Variants in POLR3A observed in about 807,000 individuals in gnomAD.
POLR3A encodes the protein DNA-directed RNA polymerase III subunit RPC1.
Under a neutral mutation model 152.8 loss-of-function variants are expected in POLR3A, and 112 were observed. That is an observed-to-expected ratio of 0.73 (90% CI 0.63 to 0.86). The LOEUF (loss-of-function observed/expected upper bound fraction) is 0.86, where lower values mean the gene tolerates loss of function less well. Ranked by LOEUF, POLR3A falls within the 40% of genes least tolerant of loss-of-function variation. The pLI is 0.00. For missense variants in POLR3A, 1,385 were observed against 1,743.1 expected (o/e 0.79, Z 3.66); for synonymous variants, 615 against 652.1 (o/e 0.94, Z 0.87).
intron 1 of POLR3A, among the ~76,000 whole-genome samples, chr10:78,028,844 C>T (rs1847662100): frequency 6.6e-6 from 1 of 151,910 alleles, no homozygotes; most frequent in Admixed American, 6.6e-5. Context: ...GGAGCCACCG[C>T]CTAATAACGT....
At chr10:78,003,146 T>G (rs561522661) in intron 16 of POLR3A, among the ~76,000 whole-genome samples, 20 of 152,340 alleles carry the variant, frequency 1.3e-4, no homozygotes, top group African/African-American at 4.3e-4. Context: ...CAAACTAGGA[T>G]GCTGAATCAG....
At chr10:77,979,387 C>G (rs1847118651) in intron 30 of POLR3A, among the ~76,000 whole-genome samples, 1 of 152,190 alleles carries the variant, frequency 6.6e-6, no homozygotes, top group Non-Finnish European at 1.5e-5. Flanking sequence ...AGCCCCTTAC[C>G]AGCTCTCACC....
intron 5 of POLR3A, among the ~76,000 whole-genome samples, chr10:78,023,201 C>G (rs1202213203): frequency 6.6e-6 from 1 of 151,150 alleles, no homozygotes; most frequent in Non-Finnish European, 1.5e-5. Context: ...TGGCTCATGT[C>G]TATAATCCCA....
Position 77,981,868 on chromosome 10 carries a change from C to CAAA in POLR3A, c.3759+283_3759+285dup, listed in dbSNP as rs60259976. Among the ~76,000 whole-genome samples, 9,451 of 63,316 alleles carry CAAA rather than the reference C, an allele frequency of 0.15. 593 individuals are homozygous for CAAA. The highest frequency in any genetic ancestry group is 0.23 in the East Asian group (578 of 2,488). 41.5% of individuals were successfully genotyped at this position (63,316 alleles called of 152,430 possible). A position where few individuals can be genotyped will look rare whatever the true frequency, so the allele number is the denominator to read the frequency against. On this transcript the variant is annotated intron_variant, in intron 28 of 30. Transcript: ENST00000372371. Reference sequence around the variant, plus strand: ...TGAAACCCCATTTCTACTAAAAATACAAAAAAAAAAAAAAAAAAAAATTAG... The same window carrying CAAA: ...TGAAACCCCATTTCTACTAAAAATACAAAAAAAAAAAAAAAAAAAAAAAATTAG...
intron 10 of POLR3A, among the ~76,000 whole-genome samples, chr10:78,014,131 T>C (rs1320171031): frequency 1.3e-5 from 2 of 150,362 alleles, no homozygotes; most frequent in Non-Finnish European, 3.0e-5. Context: ...CACCCCAGCC[T>C]GGGTGATAGA....
chr10:77,986,017 G>C (rs1483736704), intron 22 of POLR3A, 32 bp from the exon 23 acceptor site: 3 of 1,607,770 alleles, frequency 1.9e-6, no homozygotes, highest in Non-Finnish European at 2.6e-6. Context: ...ACAGAGTTAG[G>C]GCCAGCGGCA....
At chr10:78,025,812 G>C (rs1036427079) in intron 2 of POLR3A, 53 bp from the exon 3 acceptor site, 12 of 1,570,174 alleles carry the variant, frequency 7.6e-6, no homozygotes, top group African/African-American at 1.4e-5. Flanking sequence ...ACGGGAAAGA[G>C]TGCCCAGCCA....
In POLR3A at chr10:78,001,143, A is replaced by T. The variant is rs189258732; in HGVS notation, c.2360-49T>A. On this transcript the variant is annotated intron_variant, in intron 17 of 30. Coordinates refer to ENST00000372371, the MANE Select transcript of POLR3A (RefSeq NM_007055.4). ...AACATTCATTTACCAAAATAACACT[A>T]ATTGAAGTGCATGCAGATTGGAAGG... 22 of 990,304 alleles carry T rather than the reference A, an allele frequency of 2.2e-5. 1 individual carries two copies. In the Admixed American group the frequency reaches 2.7e-4, roughly 12 times the overall value. 61.3% of individuals were successfully genotyped at this position (990,304 alleles called of 1,614,324 possible). A position where few individuals can be genotyped will look rare whatever the true frequency, so the allele number is the denominator to read the frequency against.
At chr10:78,014,483 C>T (rs943644321) in intron 10 of POLR3A, among the ~76,000 whole-genome samples, 4 of 152,114 alleles carry the variant, frequency 2.6e-5, no homozygotes, top group African/African-American at 9.7e-5. Flanking sequence ...ATGGTGCAAT[C>T]TCGGCTCACT....
At position 77,983,173 on chromosome 10, in the gene POLR3A, T is replaced by G. The variant is rs115594433; in HGVS notation, c.3430-356A>C. Among the ~76,000 whole-genome samples, 1,366 of 152,292 alleles carry G rather than the reference T, an allele frequency of 9.0e-3. 22 individuals carry two copies. Among genetic ancestry groups the G allele is most frequent in the African/African-American group, 0.031 (1,292 of 41,560 alleles). ...GTGGGGCCTCCCCTTTACCTGACAC[T>G]TTCACAATGGTTCATGTGCTACGTT... On this transcript the variant is annotated intron_variant, in intron 26 of 30. Coordinates refer to ENST00000372371, the MANE Select transcript of POLR3A (RefSeq NM_007055.4).
At position 77,989,004 on chromosome 10, in the gene POLR3A, A is replaced by T. The variant is rs1847223090; in HGVS notation, c.2901+2050T>A. Among the ~76,000 whole-genome samples, 3 of 152,304 alleles carry T rather than the reference A, an allele frequency of 2.0e-5. No homozygotes were observed. The South Asian group carries it at 6.2e-4, about 32-fold the overall frequency. On this transcript the variant is annotated intron_variant, in intron 21 of 30. Coordinates refer to ENST00000372371, the MANE Select transcript of POLR3A (RefSeq NM_007055.4). ...ACAATCTGCCGGCTTAGGCACTGGG[A>T]ATGACATAGCTCAGCTTTCACCCCA...
At chr10:78,025,964 G>A (rs1420550144) in intron 2 of POLR3A, 130 bp downstream of exon 2, 6 of 1,270,486 alleles carry the variant, frequency 4.7e-6, no homozygotes, top group Non-Finnish European at 6.8e-6. Context: ...CGGAGTTCTT[G>A]ACCTAGTCTA....
intron 20 of POLR3A, among the ~76,000 whole-genome samples, chr10:77,992,961 C>A (rs1317322103): frequency 6.6e-6 from 1 of 152,146 alleles, no homozygotes; most frequent in Non-Finnish European, 1.5e-5. Flanking sequence ...AGTGATCCTC[C>A]TGCCTTGGCC....
In POLR3A at chr10:77,982,384, T is replaced by C; in HGVS notation, c.3595-66A>G. ...CCATGCCCTGGGCTGATCACCTTGA[T>C]CACCCCAGCTTTCAGCAGTGGTCAT... On this transcript the variant is annotated intron_variant, in intron 27 of 30. Coordinates refer to ENST00000372371, the MANE Select transcript of POLR3A (RefSeq NM_007055.4). The C allele has an allele frequency of 6.1e-6, 9 of 1,470,784 alleles. No homozygotes were observed. The South Asian group carries it at 1.0e-4, about 17-fold the overall frequency. The allele number at this position is 1,470,784 out of a possible 1,614,324, so 91.1% of individuals were successfully genotyped here.
intron 15 of POLR3A, 29 bp from the exon 16 acceptor site, chr10:78,004,917 G>A: frequency 6.2e-7 from 1 of 1,601,708 alleles, no homozygotes; most frequent in Non-Finnish European, 8.6e-7. Context: ...AGGAAGAAAG[G>A]GCCATAAATG....
chr10:78,017,073 C>A (rs970106661), intron 10 of POLR3A, among the ~76,000 whole-genome samples: 2 of 151,814 alleles, frequency 1.3e-5, no homozygotes, highest in African/African-American at 4.8e-5. Flanking sequence ...TAAAAGGAAG[C>A]TTGAAATTAA....
At chr10:77,996,789 G>A (rs914098822) in intron 19 of POLR3A, among the ~76,000 whole-genome samples, 5 of 152,098 alleles carry the variant, frequency 3.3e-5, no homozygotes, top group Admixed American at 6.6e-5. Context: ...AGAAAAAGAG[G>A]GAATCCTCCC....
intron 15 of POLR3A, among the ~76,000 whole-genome samples, chr10:78,006,827 A>G (rs1049123882): frequency 3.9e-5 from 6 of 152,174 alleles, no homozygotes; most frequent in African/African-American, 1.4e-4. Flanking sequence ...AATGAAAAAA[A>G]CAATTCAAGG....
At chr10:77,985,437 A>AAT in intron 23 of POLR3A, 97 bp from the exon 24 acceptor site, 3 of 945,492 alleles carry the variant, frequency 3.2e-6, no homozygotes, top group Non-Finnish European at 5.2e-6. Context: ...TTCAACAGAG[A>AAT]ATATAGATGC....
Sources: allele counts gnomAD v4.1 joint callset (sites outside exome capture counted in the v4.1 genomes callset), GRCh38; gene constraint gnomAD v4.1.1; transcripts MANE v1.5; gene names NCBI Gene and HGNC (gene_info 2026-07-23, HGNC 2026-07-21).